The following MTCL1 variants were observed in gnomAD, a reference collection of about 807,000 sequenced individuals.
MTCL1 encodes microtubule cross-linking factor 1.
Under a neutral mutation model 141.4 loss-of-function variants are expected in MTCL1, and 79 were observed. That is an observed-to-expected ratio of 0.56 (90% confidence interval 0.47 to 0.67). The LOEUF is 0.67. MTCL1 is among the 30% of genes least tolerant of loss of function. The probability of loss-of-function intolerance (pLI) is 0.00; values close to 1 mark genes in which losing one functional copy is unlikely to be tolerated. For synonymous variants in MTCL1, 914 were observed against 875.8 expected, an observed-to-expected ratio of 1.04 and a Z score of -0.77; for missense variants, 2,177 against 2,113.9, an observed-to-expected ratio of 1.03 and a Z score of -0.59.
chr18:8,775,408 TAAAAAA>T (rs780102071), intron 4 of MTCL1, among the ~76,000 whole-genome samples: 1 of 92,970 alleles, frequency 1.1e-5, no homozygotes, highest in African/African-American at 4.1e-5. Flanking sequence ...TCGTCTCTAC[TAAAAAA>T]AAAAAAAAAA....
chr18:8,766,227 A>T (rs974237099), intron 4 of MTCL1, among the ~76,000 whole-genome samples: 4 of 152,332 alleles, frequency 2.6e-5, no homozygotes, highest in Non-Finnish European at 5.9e-5. Flanking sequence ...CCTGCGTTTC[A>T]GCAGGGTGTG....
Position 8,729,673 on chromosome 18 carries a change from AATATATATATATAT to A in MTCL1, c.357+9224_357+9237del, listed in dbSNP as rs3051533. ...CTCACTTTGGCTTCCCAAGAAGACA[AATATATATATATAT>A]ATATATATATATATATATATATATA... is the stretch of plus-strand genomic sequence containing the variant. On this transcript the variant is annotated intron_variant, in intron 4 of 16. Coordinates refer to ENST00000359865, the Ensembl canonical transcript of MTCL1. 2.4e-3 allele frequency among the ~76,000 whole-genome samples: 313 copies of A among 131,352 alleles called. 3 individuals are homozygous for A. The highest frequency in any genetic ancestry group is 4.0e-3 in the Middle Eastern group (1 of 252). The allele number at this position is 131,352 out of a possible 152,430, so 86.2% of individuals were successfully genotyped here.
rs1220187127 is a variant in MTCL1, at chr18:8,725,776, C to CTTTTTTTTTTTTTTTT, written c.357+5293_357+5294insTTTTTTTTTTTTTTTT. The stretch of plus-strand genomic sequence containing the variant: ...GCGTTATGTATTTTGGTGCCATTTT[C>CTTTTTTTTTTTTTTTT]TTTTTTTTTTTTTCTTTTTTTTTTT... On this transcript the variant is annotated intron_variant, in intron 4 of 16. Coordinates refer to ENST00000359865, the Ensembl canonical transcript of MTCL1. 7.2e-5 allele frequency among the ~76,000 whole-genome samples: 8 copies of CTTTTTTTTTTTTTTTT among 111,016 alleles called. 2 individuals are homozygous for CTTTTTTTTTTTTTTTT. The highest frequency in any genetic ancestry group is 2.8e-4 in the East Asian group (1 of 3,624). The allele number at this position is 111,016 out of a possible 152,430, so 72.8% of individuals were successfully genotyped here.
intron 7 of MTCL1, among the ~76,000 whole-genome samples, chr18:8,792,478 T>G (rs603368): frequency 0.51 from 77,305 of 151,994 alleles, 21,142 homozygotes; most frequent in African/African-American, 0.72. Context: ...TGAGCATCGG[T>G]GTCAGACCAC....
At chr18:8,730,643 G>A (rs146531664) in intron 4 of MTCL1, among the ~76,000 whole-genome samples, 97 of 152,294 alleles carry the variant, frequency 6.4e-4, no homozygotes, top group African/African-American at 2.2e-3. Context: ...TCCCCTGTGC[G>A]CTGTACAGCT....
chr18:8,832,319 G>A (rs564644540), exon 17 of MTCL1: 2 of 160,554 alleles, frequency 1.2e-5, no homozygotes, highest in South Asian at 3.5e-4. Context: ...TTTTTGTAGT[G>A]AAAAAGCCAT....
intron 4 of MTCL1, among the ~76,000 whole-genome samples, chr18:8,745,701 T>C (rs551453415): frequency 6.6e-6 from 1 of 152,354 alleles, no homozygotes; most frequent in South Asian, 2.1e-4. Flanking sequence ...GTGCACATGT[T>C]CAACTTTTAT....
At chr18:8,773,781 A>G (rs914806389) in intron 4 of MTCL1, among the ~76,000 whole-genome samples, 4 of 152,180 alleles carry the variant, frequency 2.6e-5, no homozygotes, top group African/African-American at 9.7e-5. Flanking sequence ...CAAATAGTTC[A>G]TCCTTTCCTC....
rs115153956 is a variant in MTCL1 at position 8,804,542 on chromosome 18, T to C, written c.2437-2351T>C. Among the ~76,000 whole-genome samples the C allele has an allele frequency of 3.0e-3, 454 of 152,346 alleles. 3 individuals are homozygous for C. Among genetic ancestry groups the C allele is most frequent in the African/African-American group, 0.01 (435 of 41,584 alleles). On this transcript the variant is annotated intron_variant, in intron 10 of 16. Transcript: ENST00000359865. Reference sequence around the variant, plus strand: ...TTTCTATTCAGATGGTTGGTAAGAATGTATAAGACTCATAGATGGTTCCCT... The same window carrying C: ...TTTCTATTCAGATGGTTGGTAAGAACGTATAAGACTCATAGATGGTTCCCT...
chr18:8,819,849 G>A (rs2076784381), intron 13 of MTCL1, among the ~76,000 whole-genome samples: 1 of 152,134 alleles, frequency 6.6e-6, no homozygotes, highest in Admixed American at 6.5e-5. Context: ...GGGCTCAAGT[G>A]ATCTGTCTGC....
At chr18:8,819,662 G>A (rs1248456804) in intron 13 of MTCL1, among the ~76,000 whole-genome samples, 1 of 152,148 alleles carries the variant, frequency 6.6e-6, no homozygotes, top group Admixed American at 6.5e-5. Context: ...GGAGTGGAGT[G>A]TCTGATAACG....
intron 4 of MTCL1, among the ~76,000 whole-genome samples, chr18:8,742,313 C>G (rs977928434): frequency 6.6e-6 from 1 of 152,100 alleles, no homozygotes; most frequent in Non-Finnish European, 1.5e-5. Flanking sequence ...CTCCCTCTCT[C>G]CCTCTGTATT....
Position 8,796,511 on chromosome 18 carries a change from C to T in MTCL1, c.2241+49C>T, listed in dbSNP as rs77711321. 13,630 of 1,564,150 alleles carry T rather than the reference C, an allele frequency of 8.7e-3. 577 individuals are homozygous for T. The Admixed American group carries it at 0.1, about 12-fold the overall frequency. On this transcript the variant is annotated intron_variant, in intron 9 of 16. Coordinates refer to ENST00000359865, the Ensembl canonical transcript of MTCL1. ...TTATTTGCATCTGTTTTGTCCTTGA[C>T]CCCAGACACTGCTTTCTCCTCACCC...
exon 17 of MTCL1, chr18:8,832,013 T>G: frequency 1.6e-6 from 1 of 635,720 alleles, no homozygotes; most frequent in Non-Finnish European, 2.7e-6. Context: ...CTTAATTTTT[T>G]TCATAGCTCA....
Position 8,820,367 on chromosome 18 carries a change from G to A in MTCL1, c.3157-1100G>A, listed in dbSNP as rs965485107. On this transcript the variant is annotated intron_variant, in intron 13 of 16. Transcript: ENST00000359865. ...GGAGCTTGTAGTGAGCCAAGATCGC[G>A]CCACTGCACTCCAGCCTGGGCGACA... 1.2e-3 allele frequency among the ~76,000 whole-genome samples: 185 copies of A among 151,940 alleles called. 1 individual carries two copies. The highest frequency in any genetic ancestry group is 4.3e-3 in the African/African-American group (180 of 41,432).
chr18:8,758,020 C>CTTTTT (rs1162855433), intron 4 of MTCL1, among the ~76,000 whole-genome samples: 1 of 126,906 alleles, frequency 7.9e-6, no homozygotes, highest in Non-Finnish European at 1.7e-5. Context: ...AGCACCCAGT[C>CTTTTT]TTTTTTTTTT....
exon 7 of MTCL1, chr18:8,786,027 A>G (rs747717709): frequency 2.6e-5 from 42 of 1,604,554 alleles, no homozygotes; most frequent in Non-Finnish European, 3.6e-5. Flanking sequence ...CGGGAGCTGC[A>G]CCGCCGCGCA....
intron 3 of MTCL1, 100 bp downstream of exon 2, chr18:8,718,748 T>A: frequency 9.3e-7 from 1 of 1,070,524 alleles, no homozygotes; most frequent in Non-Finnish European, 1.4e-6. Flanking sequence ...TGTCTGTCTC[T>A]ACAGATTGCA....
intron 12 of MTCL1, 42 bp downstream of exon 11, chr18:8,813,275 G>A (rs1362805412): frequency 1.9e-6 from 3 of 1,586,568 alleles, no homozygotes; most frequent in South Asian, 2.3e-5. Flanking sequence ...GGCACAGAGT[G>A]TAGACTGCTC....
Sources: gnomAD v4.1 joint callset for allele counts (sites outside exome capture counted in the v4.1 genomes callset) on GRCh38, gnomAD v4.1.1 for gene constraint, MANE v1.5 for transcripts, NCBI Gene and HGNC (gene_info 2026-07-23, HGNC 2026-07-21) for gene names.